Variants in RPTOR observed in about 807,000 individuals in gnomAD.
The protein encoded by RPTOR is regulatory associated protein of MTOR complex 1.
A neutral mutation model predicts 169.9 loss-of-function variants in RPTOR; 21 were observed. That is an observed-to-expected ratio of 0.12 (90% confidence interval 0.09 to 0.18). The LOEUF is 0.18. RPTOR is among the 10% of genes least tolerant of loss of function. The probability of loss-of-function intolerance (pLI) is 1.00; values close to 1 mark genes in which losing one functional copy is unlikely to be tolerated. For synonymous variants in RPTOR, 732 were observed against 753.2 expected (o/e 0.97, Z 0.46); for missense variants, 1,133 against 1,855.9 (o/e 0.61, Z 7.16).
At chr17:80,685,199 G>A (rs1030674958) in intron 3 of RPTOR, among the ~76,000 whole-genome samples, 2 of 151,262 alleles carry the variant, frequency 1.3e-5, no homozygotes, top group African/African-American at 2.4e-5. Flanking sequence ...ATTCAGGGTC[G>A]CTTGTTGCGT....
intron 5 of RPTOR, among the ~76,000 whole-genome samples, chr17:80,733,739 T>C (rs116019446): frequency 3.1e-4 from 48 of 152,386 alleles, no homozygotes; most frequent in African/African-American, 1.1e-3. Context: ...TTGTATTCAG[T>C]AGTGAATTCT....
At chr17:80,645,025 C>T (rs1197528228) in intron 3 of RPTOR, among the ~76,000 whole-genome samples, 1 of 152,178 alleles carries the variant, frequency 6.6e-6, no homozygotes, top group Non-Finnish European at 1.5e-5. Flanking sequence ...GGTTTGTGTA[C>T]ACATGCTGTA....
intron 13 of RPTOR, among the ~76,000 whole-genome samples, chr17:80,864,472 G>A (rs539733358): frequency 2.8e-4 from 39 of 140,782 alleles, no homozygotes; most frequent in Middle Eastern, 3.7e-3. Context: ...GGCAGACAGC[G>A]GAACAGCATC....
In RPTOR at chr17:80,730,745, G is replaced by GTTTTGT; in HGVS notation, c.654+43_654+48dup. The GTTTTGT allele has an allele frequency of 1.5e-5, 11 of 750,678 alleles. No individual in the cohort carries two copies. The highest frequency in any genetic ancestry group is 2.1e-5 in the Admixed American group (1 of 47,476). 46.5% of individuals were successfully genotyped at this position (750,678 alleles called of 1,614,324 possible). A position where few individuals can be genotyped will look rare whatever the true frequency, so the allele number is the denominator to read the frequency against. On this transcript the variant is annotated intron_variant, in intron 5 of 33. Transcript: ENST00000306801. The surrounding 1 kb of genome is among the most constrained non-coding windows in gnomAD (Gnocchi z 4.2). The stretch of plus-strand genomic sequence containing the variant: ...TGCTTGGAGAGCGGTGCTGGGTTTG[G>GTTTTGT]TTTTGTTTTCCCTGGGGGTGGGGTT...
rs118185892 is a variant in RPTOR at position 80,545,574 on chromosome 17, G to T, written c.-56G>T. 10 of 1,376,728 alleles carry T rather than the reference G, an allele frequency of 7.3e-6. No individual in the cohort carries two copies. The highest frequency in any genetic ancestry group is 1.0e-6 in the Non-Finnish European group (1 of 995,578). The allele number at this position is 1,376,728 out of a possible 1,614,324, so 85.3% of individuals were successfully genotyped here. A position where few individuals can be genotyped will look rare whatever the true frequency, so the allele number is the denominator to read the frequency against. ...AATTCTGGTACACGCTAGTTTTTAAGGCTGGAGGTTCTCGAGCGCTTGCTG... is the reference window on the plus strand; with the variant it reads ...AATTCTGGTACACGCTAGTTTTTAATGCTGGAGGTTCTCGAGCGCTTGCTG... On this transcript the variant is annotated 5_prime_UTR_variant, in exon 1 of 34. It adds an upstream start codon to the 5' untranslated region. Coordinates refer to ENST00000306801, the MANE Select transcript of RPTOR (RefSeq NM_020761.3).
intron 13 of RPTOR, among the ~76,000 whole-genome samples, chr17:80,871,536 G>A (rs752565431): frequency 9.2e-5 from 14 of 152,302 alleles, no homozygotes; most frequent in South Asian, 4.1e-4. Flanking sequence ...GAGGTCAGGC[G>A]TCCCCCGGGT....
At chr17:80,801,461 G>C (rs556594410) in intron 7 of RPTOR, among the ~76,000 whole-genome samples, 1 of 152,302 alleles carries the variant, frequency 6.6e-6, no homozygotes, top group Non-Finnish European at 1.5e-5. Flanking sequence ...GGCATGGGCT[G>C]TGTGAACAGA....
intron 3 of RPTOR, among the ~76,000 whole-genome samples, chr17:80,671,494 T>G (rs1008473043): frequency 4.6e-5 from 7 of 152,240 alleles, no homozygotes; most frequent in African/African-American, 7.2e-5. Context: ...AGTAGAATAC[T>G]GCAGGCACAA....
Position 80,672,505 on chromosome 17 carries a change from C to T in RPTOR, c.348+28695C>T, listed in dbSNP as rs551101402. 7.2e-5 allele frequency among the ~76,000 whole-genome samples: 11 copies of T among 152,108 alleles called. No homozygotes were observed. In the South Asian group the frequency reaches 2.3e-3, roughly 32 times the overall value. ...AGATAAAAATAAAAAACAAACTTCT[C>T]AGCCAGGCGCGGTGGCTCACGCCTG... On this transcript the variant is annotated intron_variant, in intron 3 of 33. Coordinates refer to ENST00000306801, the MANE Select transcript of RPTOR (RefSeq NM_020761.3).
At chr17:80,550,998 G>C (rs893023828) in intron 1 of RPTOR, among the ~76,000 whole-genome samples, 1 of 152,060 alleles carries the variant, frequency 6.6e-6, no homozygotes, top group Admixed American at 6.6e-5. Flanking sequence ...AGAGATTCTC[G>C]TGCCTCAGTC....
intron 3 of RPTOR, among the ~76,000 whole-genome samples, chr17:80,670,626 C>T (rs924490564): frequency 6.6e-6 from 1 of 152,178 alleles, no homozygotes; most frequent in African/African-American, 2.4e-5. Flanking sequence ...AAATTGTAAT[C>T]CATTTGGTAA....
At position 80,593,521 on chromosome 17, in the gene RPTOR, G is replaced by A. The variant is rs114300338; in HGVS notation, c.163-32170G>A. 3.6e-3 allele frequency: 563 copies of A among 154,762 alleles called. 1 individual carries two copies. Among genetic ancestry groups the A allele is most frequent in the African/African-American group, 0.011 (465 of 41,632 alleles). 9.6% of individuals were successfully genotyped at this position (154,762 alleles called of 1,614,324 possible). On this transcript the variant is annotated intron_variant, in intron 1 of 33. Transcript: ENST00000306801. ...AAACAGTTTCCTTATCCAACAAACC[G>A]CTTGTGGAGTTTTGGTGTGTATCAA...
chr17:80,791,509 A>G lies in RPTOR; in HGVS notation c.890A>G (p.Lys297Arg). 1 of 1,613,232 alleles carries G rather than the reference A, an allele frequency of 6.2e-7. No homozygotes were observed. The change falls in exon 7 of 34, where the codon AAG (lysine) becomes AGG (arginine). Residue 297 changes from lysine to arginine, a missense_variant and splice_region_variant. Transcript: ENST00000306801. ...VPGVTLDLIEKIPGRLNDRRT... is the reference protein window; with the variant it reads ...VPGVTLDLIERIPGRLNDRRT... The stretch of plus-strand genomic sequence containing the variant: ...GGCGTCACACTGGATTTGATAGAAA[A>G]GTAAGTAGGATTTTTAAGCTCTTGT...
chr17:80,717,802 C>T (rs988156180), intron 4 of RPTOR, among the ~76,000 whole-genome samples: 1 of 152,216 alleles, frequency 6.6e-6, no homozygotes, highest in African/African-American at 2.4e-5. Context: ...AGGTTCAGGC[C>T]TTAAGCAAAA....
chr17:80,620,224 T>G (rs763149466), intron 1 of RPTOR, among the ~76,000 whole-genome samples: 2 of 152,194 alleles, frequency 1.3e-5, no homozygotes, highest in East Asian at 3.8e-4. Flanking sequence ...AAATTCAAAA[T>G]TAACCTATGG....
At chr17:80,757,928 G>C (rs919409783) in intron 6 of RPTOR, among the ~76,000 whole-genome samples, 7 of 152,084 alleles carry the variant, frequency 4.6e-5, no homozygotes, top group African/African-American at 1.7e-4. Context: ...TCTGATCCCT[G>C]TCCAAAGAGG....
chr17:80,853,963 C>T (rs1014548130), intron 11 of RPTOR, among the ~76,000 whole-genome samples: 1 of 149,848 alleles, frequency 6.7e-6, no homozygotes, highest in African/African-American at 2.5e-5. Flanking sequence ...CCTGGGCGAC[C>T]GAGTGAGACT....
At chr17:80,906,791 G>A (rs1224454615) in intron 20 of RPTOR, among the ~76,000 whole-genome samples, 1 of 151,968 alleles carries the variant, frequency 6.6e-6, no homozygotes, top group South Asian at 2.1e-4. Flanking sequence ...CCTCCTAGAT[G>A]GCAGCTGAGC....
rs3751935 is a variant in RPTOR, at chr17:80,964,405, C to T, written c.*75C>T. ...AGCTGTCACTCGCCGGGGCACGGGG[C>T]GTCGGCTGCTGCGGCCCCGCAGTGT... On this transcript the variant is annotated 3_prime_UTR_variant, in exon 34 of 34. Coordinates refer to ENST00000306801, the MANE Select transcript of RPTOR (RefSeq NM_020761.3). 3,044 of 1,454,724 alleles carry T rather than the reference C, an allele frequency of 2.1e-3. 66 individuals carry two copies. In the East Asian group the frequency reaches 0.044, roughly 21 times the overall value. The allele number at this position is 1,454,724 out of a possible 1,614,324, so 90.1% of individuals were successfully genotyped here.
Sources: gnomAD v4.1 joint callset for allele counts (sites outside exome capture counted in the v4.1 genomes callset) on GRCh38, gnomAD v4.1.1 for gene constraint, Gnocchi (gnomAD v3.1) non-coding constraint, MANE v1.5 for transcripts, NCBI Gene and HGNC (gene_info 2026-07-23, HGNC 2026-07-21) for gene names.